ABCA9: variants seen among roughly 807,000 people sequenced by gnomAD.
ABCA9 encodes ATP binding cassette subfamily A member 9, also known as ATP-binding cassette sub-family A member 9.
ABCA9 carries 183 observed loss-of-function variants against 205.3 expected under a neutral mutation model. The ratio of observed to expected loss-of-function variants is 0.89; its 90% CI spans 0.79 to 1.01. The LOEUF (loss-of-function observed/expected upper bound fraction) is 1.01, where lower values mean the gene tolerates loss of function less well. ABCA9 is among the 50% of genes least tolerant of loss of function. ABCA9 has a pLI of 0.00. For missense variants in ABCA9, 1,805 were observed against 1,912.4 expected, an observed-to-expected ratio of 0.94 and a Z score of 1.05; for synonymous variants, 651 against 683.3, an observed-to-expected ratio of 0.95 and a Z score of 0.74.
intron 25 of ABCA9, among the ~76,000 whole-genome samples, chr17:69,002,591 C>G (rs187334582): frequency 3.3e-5 from 5 of 152,134 alleles, no homozygotes; most frequent in Non-Finnish European, 7.4e-5. Context: ...AAAATGTATT[C>G]TGTTGATTTG....
chr17:69,046,761 A>G (rs2071719084), intron 3 of ABCA9, among the ~76,000 whole-genome samples: 1 of 150,882 alleles, frequency 6.6e-6, no homozygotes, highest in Non-Finnish European at 1.5e-5. Flanking sequence ...TTTGGATTTT[A>G]TAATATTTTC....
chr17:69,025,736 C>G (rs2070958141), intron 16 of ABCA9, among the ~76,000 whole-genome samples: 2 of 152,168 alleles, frequency 1.3e-5, no homozygotes, highest in South Asian at 4.2e-4. Context: ...TCATATCACA[C>G]CTGTAATTTT....
intron 2 of ABCA9, among the ~76,000 whole-genome samples, chr17:69,050,091 A>G (rs2071852109): frequency 6.6e-6 from 1 of 152,042 alleles, no homozygotes; most frequent in African/African-American, 2.4e-5. Flanking sequence ...GTTATATGTC[A>G]TCTTCATCAT....
chr17:69,045,394 A>T, intron 3 of ABCA9, 58 bp from the exon 4 acceptor site: 1 of 1,517,520 alleles, frequency 6.6e-7, no homozygotes, highest in East Asian at 2.4e-5. Context: ...ACCTGGCCAT[A>T]TTCAATTATG....
chr17:68,996,219 A>C (rs1311235935), intron 25 of ABCA9, among the ~76,000 whole-genome samples: 1 of 152,238 alleles, frequency 6.6e-6, no homozygotes, highest in Non-Finnish European at 1.5e-5. Context: ...TAAAAGACAC[A>C]GTGATGCTTC....
chr17:69,048,356 C>A (rs1241301009), intron 3 of ABCA9, among the ~76,000 whole-genome samples: 1 of 152,186 alleles, frequency 6.6e-6, no homozygotes, highest in East Asian at 1.9e-4. Flanking sequence ...GGTGCTCAAC[C>A]TGTATCATCC....
intron 37 of ABCA9, among the ~76,000 whole-genome samples, chr17:68,978,631 C>A (rs1428761537): frequency 6.6e-6 from 1 of 152,114 alleles, no homozygotes; most frequent in African/African-American, 2.4e-5. Context: ...ATGTTTAGTG[C>A]TTCCTTCAGG....
intron 23 of ABCA9, among the ~76,000 whole-genome samples, chr17:69,009,484 C>T (rs888298612): frequency 6.6e-6 from 1 of 152,108 alleles, no homozygotes; most frequent in African/African-American, 2.4e-5. Flanking sequence ...GTGTCAGTAG[C>T]ATCAGATTAA....
rs2069863082 is a variant in ABCA9 at position 69,001,417 on chromosome 17, A to G, written c.3436-5403T>C. Reference sequence around the variant, plus strand: ...TGGCTCTGTTTATATGCTGGATTACATTTATTGATTTGCGTATATTGAACC... The same window carrying G: ...TGGCTCTGTTTATATGCTGGATTACGTTTATTGATTTGCGTATATTGAACC... On this transcript the variant is annotated intron_variant, in intron 25 of 38. Transcript: ENST00000340001. Among the ~76,000 whole-genome samples the G allele has an allele frequency of 2.0e-5, 3 of 149,116 alleles. No individual in the cohort carries two copies. In the South Asian group the frequency reaches 6.4e-4, roughly 32 times the overall value.
intron 37 of ABCA9, among the ~76,000 whole-genome samples, chr17:68,977,595 T>G (rs1796816417): frequency 6.6e-6 from 1 of 152,134 alleles, no homozygotes; most frequent in South Asian, 2.1e-4. Flanking sequence ...GAGGCTAGGG[T>G]TTTGCTGGAG....
chr17:69,049,669 G>T (rs1222889300), intron 2 of ABCA9, among the ~76,000 whole-genome samples, 179 bp from the exon 3 acceptor site: 2 of 152,048 alleles, frequency 1.3e-5, no homozygotes, highest in African/African-American at 4.8e-5. Flanking sequence ...ATTAAAATAT[G>T]CACATTGTCT....
intron 27 of ABCA9, 191 bp downstream of exon 27, chr17:68,992,825 A>G (rs1004490223): frequency 3.7e-4 from 115 of 311,290 alleles, no homozygotes; most frequent in East Asian, 1.2e-3. Context: ...AAAAAAAAAA[A>G]GGGGGGGGGT....
In ABCA9 at chr17:69,035,268, G is replaced by A; in HGVS notation, c.1106C>T (p.Ala369Val). The change falls in exon 8 of 39, where the codon GCC (alanine) becomes GTC (valine). Residue 369 changes from alanine to valine, a missense_variant. By Grantham distance (64) the Ala-to-Val change is moderately conservative (BLOSUM62 0). Coordinates refer to ENST00000340001, the MANE Select transcript of ABCA9 (RefSeq NM_080283.4). The stretch of plus-strand genomic sequence containing the variant: ...TACCTGGGCCATCCCAACAGTGAAG[G>A]CAAAGGGGCTAAGAAGACACAAAGT... ...EWTLCLLSPF[A>V]FTVGMAQLIH... 1 of 1,590,476 alleles carries A rather than the reference G, an allele frequency of 6.3e-7. No individual in the cohort carries two copies. Among genetic ancestry groups the A allele is most frequent in the South Asian group, 1.2e-5 (1 of 86,214 alleles).
At chr17:69,004,136 T>G (rs1224603264) in intron 25 of ABCA9, among the ~76,000 whole-genome samples, 2 of 152,242 alleles carry the variant, frequency 1.3e-5, no homozygotes, top group Non-Finnish European at 2.9e-5. Context: ...TCATTCTCCA[T>G]CCAGCTTTGT....
chr17:69,002,114 T>A, intron 25 of ABCA9, among the ~76,000 whole-genome samples: 1 of 148,174 alleles, frequency 6.7e-6, no homozygotes, highest in Non-Finnish European at 1.5e-5. Flanking sequence ...GTGTCTCTAT[T>A]TCCTTCAGTT....
At chr17:69,033,924 AATT>A (rs2071246451) in intron 8 of ABCA9, 51 bp from the exon 9 acceptor site, 3 of 1,400,904 alleles carry the variant, frequency 2.1e-6, no homozygotes, top group Non-Finnish European at 9.9e-7. Flanking sequence ...TGGCATTAAG[AATT>A]ATTATTGTTT....
At chr17:69,066,625 G>A in the ABCA9 span, among the ~76,000 whole-genome samples, 1 of 150,664 alleles carries the variant, frequency 6.6e-6, no homozygotes, top group African/African-American at 2.4e-5. Context: ...TTTTTTCTCT[G>A]TCACAAGAAA....
intron 22 of ABCA9, among the ~76,000 whole-genome samples, chr17:69,014,892 C>T (rs2070524183): frequency 6.6e-6 from 1 of 152,118 alleles, no homozygotes; most frequent in Admixed American, 6.6e-5. Context: ...GACTCTGCAA[C>T]CCTGGGTGTG....
intron 37 of ABCA9, among the ~76,000 whole-genome samples, chr17:68,979,547 C>T (rs1386118416): frequency 1.3e-5 from 2 of 150,396 alleles, no homozygotes; most frequent in African/African-American, 5.0e-5. Flanking sequence ...CACAAGGCTA[C>T]AGTAACCAAA....
Sources: allele counts gnomAD v4.1 joint callset (sites outside exome capture counted in the v4.1 genomes callset), GRCh38; gene constraint gnomAD v4.1.1; transcripts MANE v1.5; gene names NCBI Gene and HGNC (gene_info 2026-07-23, HGNC 2026-07-21).